ZNF366: variants seen among roughly 807,000 people sequenced by gnomAD.
The protein encoded by ZNF366 is zinc finger protein 366, also known as dendritic cell-specific transcript protein.
In ZNF366, 20 loss-of-function variants were observed where a neutral mutation model predicts 47.2. That is an observed-to-expected ratio of 0.42 (90% CI 0.30 to 0.62). ZNF366 has a LOEUF of 0.62. Among genes scored for constraint, ZNF366 ranks in the 20% least tolerant of loss-of-function variants. ZNF366 has a pLI of 0.16. For missense variants in ZNF366, 987 were observed against 976.3 expected, an observed-to-expected ratio of 1.01 and a Z score of -0.15; for synonymous variants, 421 against 395.1, an observed-to-expected ratio of 1.07 and a Z score of -0.78.
intron 1 of ZNF366, among the ~76,000 whole-genome samples, chr5:72,468,804 C>T (rs999499005): frequency 2.0e-5 from 3 of 152,066 alleles, no homozygotes; most frequent in Non-Finnish European, 4.4e-5. Context: ...TATCTCTGTC[C>T]TCGTGACCCA....
intron 3 of ZNF366, among the ~76,000 whole-genome samples, chr5:72,450,143 G>C (rs149755869): frequency 1.2e-3 from 181 of 152,302 alleles, no homozygotes; most frequent in African/African-American, 4.0e-3. Context: ...AATGTGTAGA[G>C]TGCAGTTTGT....
chr5:72,496,042 TA>T (rs1744105366), intron 1 of ZNF366, among the ~76,000 whole-genome samples: 1 of 152,182 alleles, frequency 6.6e-6, no homozygotes, highest in African/African-American at 2.4e-5. Flanking sequence ...CCTTTTTACT[TA>T]ACTATACAGG....
Position 72,444,247 on chromosome 5 carries a change from G to A in ZNF366, c.1744C>T (p.Leu582=). The A allele has an allele frequency of 6.2e-7, 1 of 1,613,456 alleles. No homozygotes were observed. The highest frequency in any genetic ancestry group is 8.5e-7 in the Non-Finnish European group (1 of 1,179,988). Reference sequence around the variant, plus strand: ...GGCTCCTCCTGCTCCAGACTCCTCAGGACACCGGCTGTCTGTGCCAGGGCG... The same window carrying A: ...GGCTCCTCCTGCTCCAGACTCCTCAAGACACCGGCTGTCTGTGCCAGGGCG... ...RIALAQTAGV[L]RSLEQEEPFD... The change falls in exon 5 of 5, where the codon CTG becomes TTG. Residue 582 remains leucine (L), a synonymous_variant. Transcript: ENST00000318442.
At chr5:72,504,918 G>A (rs963213099) in intron 1 of ZNF366, among the ~76,000 whole-genome samples, 5 of 152,122 alleles carry the variant, frequency 3.3e-5, no homozygotes, top group Non-Finnish European at 5.9e-5. Flanking sequence ...TACCTGCCCC[G>A]AGGCCCATAA....
intron 3 of ZNF366, among the ~76,000 whole-genome samples, chr5:72,449,285 G>A (rs976270680): frequency 7.2e-6 from 1 of 138,328 alleles, no homozygotes; most frequent in African/African-American, 2.7e-5. Context: ...TCGCTCTGTT[G>A]TCAAGGCTGG....
chr5:72,448,062 G>A (rs1397926246), intron 3 of ZNF366, among the ~76,000 whole-genome samples: 1 of 152,092 alleles, frequency 6.6e-6, no homozygotes, highest in African/African-American at 2.4e-5. Context: ...AGAGTACACT[G>A]TATTCTTATA....
chr5:72,458,646 C>G (rs997111498), intron 2 of ZNF366, among the ~76,000 whole-genome samples: 9 of 152,176 alleles, frequency 5.9e-5, no homozygotes, highest in African/African-American at 2.2e-4. Flanking sequence ...GTGCCTGTGT[C>G]AGAGATTCCT....
rs774840332 is a variant in ZNF366, at chr5:72,443,945, G to A, written c.2046C>T (p.Asp682=). The change falls in exon 5 of 5, where the codon GAC becomes GAT. Residue 682 remains aspartate, a synonymous_variant. Transcript: ENST00000318442. Reference sequence around the variant, plus strand: ...TCTCCTGGCCGCCCTCTGCCCCAAGGTCACCCTTGCTCCTCTTCTCCCATT... The same window carrying A: ...TCTCCTGGCCGCCCTCTGCCCCAAGATCACCCTTGCTCCTCTTCTCCCATT... ...KGEWEKRSKG[D]LGAEGGQERD... 6 of 1,613,996 alleles carry A rather than the reference G, an allele frequency of 3.7e-6. No homozygotes were observed. In the Admixed American group the frequency reaches 5.0e-5, roughly 13 times the overall value.
chr5:72,473,313 T>C (rs1743607709), intron 1 of ZNF366, among the ~76,000 whole-genome samples: 1 of 152,168 alleles, frequency 6.6e-6, no homozygotes, highest in Non-Finnish European at 1.5e-5. Flanking sequence ...ACCCACTTGG[T>C]GCTGGTCTTC....
In ZNF366 at chr5:72,460,993, T is replaced by C. The variant is rs1743297557; in HGVS notation, c.504A>G (p.Pro168=). ...AGTAGGGGTAGGGCGTGGGCAGGAA[T>C]GGAGTGGGCGTTGGCTGGGGCCACA... ...SAVWPQPTPT[P]FLPTPYPYYP... Residue 168 remains proline, a synonymous_variant, in exon 2 of 5, where the codon CCA becomes CCG. Coordinates refer to ENST00000318442, the MANE Select transcript of ZNF366 (RefSeq NM_152625.3). The C allele has an allele frequency of 1.2e-6, 2 of 1,613,824 alleles. No individual in the cohort carries two copies. Among genetic ancestry groups the C allele is most frequent in the Non-Finnish European group, 1.7e-6 (2 of 1,179,954 alleles).
chr5:72,449,225 T>C (rs1743014820), intron 3 of ZNF366, among the ~76,000 whole-genome samples: 1 of 151,766 alleles, frequency 6.6e-6, no homozygotes, highest in African/African-American at 2.4e-5. Context: ...ATTTGCCCAC[T>C]TCTCCACCAT....
At chr5:72,493,523 A>G (rs1241062057) in intron 1 of ZNF366, 3 of 152,186 alleles carry the variant, frequency 2.0e-5, no homozygotes, top group African/African-American at 7.2e-5. Context: ...AACCTATTAT[A>G]GGTAGCAATT....
intron 3 of ZNF366, among the ~76,000 whole-genome samples, chr5:72,448,841 G>A (rs557241817): frequency 1.6e-4 from 24 of 152,306 alleles, no homozygotes; most frequent in Middle Eastern, 3.4e-3. Flanking sequence ...GGAGTTTAGC[G>A]TAGAAGAATG....
intron 3 of ZNF366, among the ~76,000 whole-genome samples, chr5:72,451,804 T>C (rs562963367): frequency 6.6e-6 from 1 of 152,346 alleles, no homozygotes; most frequent in African/African-American, 2.4e-5. Flanking sequence ...GGTTCAGGGC[T>C]GGGAGAGGGC....
intron 1 of ZNF366, among the ~76,000 whole-genome samples, chr5:72,481,965 A>C (rs759805521): frequency 6.6e-6 from 1 of 152,162 alleles, no homozygotes; most frequent in Non-Finnish European, 1.5e-5. Context: ...CATGGGCAAG[A>C]TATGAGAGTT....
At chr5:72,470,757 C>T (rs183021043) in intron 1 of ZNF366, among the ~76,000 whole-genome samples, 1 of 152,302 alleles carries the variant, frequency 6.6e-6, no homozygotes, top group Non-Finnish European at 1.5e-5. Flanking sequence ...CCCAGTTTAT[C>T]CCAAGCCAAC....
chr5:72,457,984 G>A (rs1359501787), intron 2 of ZNF366, among the ~76,000 whole-genome samples: 1 of 149,532 alleles, frequency 6.7e-6, no homozygotes, highest in East Asian at 1.9e-4. Context: ...TTTTCTTAAT[G>A]GATTTTAAAT....
intron 1 of ZNF366, among the ~76,000 whole-genome samples, chr5:72,489,493 G>A (rs1478735423): frequency 1.3e-5 from 2 of 152,142 alleles, no homozygotes; most frequent in Non-Finnish European, 2.9e-5. Flanking sequence ...GCTGGAGGAA[G>A]ATTAAATAAT....
At position 72,456,524 on chromosome 5, in the gene ZNF366, C is replaced by T; in HGVS notation, c.1404G>A (p.Val468=). The part of the protein sequence containing the change: ...FTLLANMKRH[V]LIHTNIRAYQ... ...AGGCGCGGATGTTGGTGTGGATCAGCACGTGTCGCTTCATGTTGGCCAGCA... is the reference window on the plus strand; with the variant it reads ...AGGCGCGGATGTTGGTGTGGATCAGTACGTGTCGCTTCATGTTGGCCAGCA... Residue 468 remains valine, a synonymous_variant, in exon 3 of 5, where the codon GTG becomes GTA. Coordinates refer to ENST00000318442, the MANE Select transcript of ZNF366 (RefSeq NM_152625.3). 1 of 1,613,618 alleles carries T rather than the reference C, an allele frequency of 6.2e-7. No individual in the cohort carries two copies. Among genetic ancestry groups the T allele is most frequent in the Non-Finnish European group, 8.5e-7 (1 of 1,179,648 alleles).
Sources: allele counts gnomAD v4.1 joint callset (sites outside exome capture counted in the v4.1 genomes callset), GRCh38; gene constraint gnomAD v4.1.1; transcripts MANE v1.5; gene names NCBI Gene and HGNC (gene_info 2026-07-23, HGNC 2026-07-21).